The following SH3PXD2A variants were observed in gnomAD, a reference collection of about 807,000 sequenced individuals.
The protein encoded by SH3PXD2A is SH3 and PX domain-containing protein 2A.
In SH3PXD2A, 32 loss-of-function variants were observed where a neutral mutation model predicts 115.2. The observed-to-expected ratio is 0.28, with a 90% CI of 0.21 to 0.37. The LOEUF is 0.37. Ranked by LOEUF, SH3PXD2A falls within the 10% of genes least tolerant of loss-of-function variation. The pLI is 1.00. For synonymous variants in SH3PXD2A, 610 were observed against 629.1 expected (o/e 0.97, Z 0.45); for missense variants, 1,328 against 1,498.7 (o/e 0.89, Z 1.88).
Position 103,602,993 on chromosome 10 carries a change from G to T in SH3PXD2A, c.2225C>A (p.Ala742Glu), listed in dbSNP as rs765874609. ...PKVRAKKDAD[A>E]NAGLTSCPRA... ...GGGACAGGAGGTCAGCCCAGCGTTC[G>T]CATCAGCATCCTTCTTTGCCCTGAC... Residue 742 changes from alanine to glutamate, a missense_variant, in exon 15 of 15, where the codon GCG becomes GAG. Physicochemically the swap from Ala to Glu is moderately radical, Grantham distance 107. Around this residue, in one of 5 missense-constraint regions of SH3PXD2A, gnomAD observed 574 missense variants for 565.7 expected, o/e 1.01. Coordinates refer to ENST00000369774, the MANE Select transcript of SH3PXD2A (RefSeq NM_001394015.1). 1 of 1,614,184 alleles carries T rather than the reference G, an allele frequency of 6.2e-7. No homozygotes were observed. The highest frequency in any genetic ancestry group is 8.5e-7 in the Non-Finnish European group (1 of 1,180,048).
chr10:103,755,162 G>A (rs1564881191), intron 3 of SH3PXD2A: 2 of 152,194 alleles, frequency 1.3e-5, no homozygotes, highest in African/African-American at 4.8e-5. Context: ...CCTGAGAAGA[G>A]ACCTCACTCT....
chr10:103,650,141 C>T (rs939196995), intron 8 of SH3PXD2A, among the ~76,000 whole-genome samples: 1 of 152,170 alleles, frequency 6.6e-6, no homozygotes, highest in East Asian at 1.9e-4. Flanking sequence ...TAGTAACAGG[C>T]GGAAGGGCCC....
At chr10:103,688,082 C>A (rs555032893) in intron 6 of SH3PXD2A, among the ~76,000 whole-genome samples, 1 of 152,224 alleles carries the variant, frequency 6.6e-6, no homozygotes, top group Non-Finnish European at 1.5e-5. Context: ...CGACACCTTG[C>A]GCAGTGCTTG....
At chr10:103,625,373 A>G (rs1419133246) in intron 9 of SH3PXD2A, among the ~76,000 whole-genome samples, 1 of 152,226 alleles carries the variant, frequency 6.6e-6, no homozygotes, top group Non-Finnish European at 1.5e-5. Context: ...TGCTTCACAG[A>G]GAGGTGTGTG....
At chr10:103,841,914 G>C (rs2039602792) in intron 1 of SH3PXD2A, among the ~76,000 whole-genome samples, 1 of 152,132 alleles carries the variant, frequency 6.6e-6, no homozygotes, top group Admixed American at 6.5e-5. Context: ...CACGAGGTCA[G>C]GAGATCAAGA....
chr10:103,605,174 G>T (rs2036281748), intron 14 of SH3PXD2A, among the ~76,000 whole-genome samples: 1 of 152,186 alleles, frequency 6.6e-6, no homozygotes, highest in South Asian at 2.1e-4. Flanking sequence ...AATGCTTAAA[G>T]TTGGGGGTGG....
chr10:103,656,595 C>T (rs532782107), intron 8 of SH3PXD2A, among the ~76,000 whole-genome samples: 8 of 152,178 alleles, frequency 5.3e-5, no homozygotes, highest in South Asian at 2.1e-4. Context: ...TTTGGGAGGC[C>T]GAGGCGGGTG....
chr10:103,763,547 G>C (rs1182705203), intron 3 of SH3PXD2A, among the ~76,000 whole-genome samples: 1 of 152,206 alleles, frequency 6.6e-6, no homozygotes, highest in Non-Finnish European at 1.5e-5. Context: ...CTGCTGCTGG[G>C]GGTGAGCCTG....
In SH3PXD2A at chr10:103,802,555, C is replaced by G. The variant is rs529897873; in HGVS notation, c.73-1193G>C. On this transcript the variant is annotated intron_variant, in intron 1 of 14. Transcript: ENST00000369774. The stretch of plus-strand genomic sequence containing the variant: ...AGTCCACACAATCTGGCCTGCTCTT[C>G]CCACTATTTCTGTCCTTCCTGGGAA... 1.8e-3 allele frequency among the ~76,000 whole-genome samples: 272 copies of G among 152,296 alleles called. 2 individuals are homozygous for G. The highest frequency in any genetic ancestry group is 6.2e-3 in the African/African-American group (256 of 41,556).
At chr10:103,748,325 C>G (rs922149347) in intron 3 of SH3PXD2A, among the ~76,000 whole-genome samples, 5 of 152,204 alleles carry the variant, frequency 3.3e-5, no homozygotes, top group African/African-American at 9.7e-5. Context: ...TTTGGGCAGA[C>G]TGAACATGCC....
chr10:103,691,071 T>C (rs975714510), intron 6 of SH3PXD2A, among the ~76,000 whole-genome samples: 1 of 152,028 alleles, frequency 6.6e-6, no homozygotes, highest in Admixed American at 6.5e-5. Context: ...GCCCCAGAGA[T>C]TGTGGCGGGG....
intron 2 of SH3PXD2A, among the ~76,000 whole-genome samples, chr10:103,797,706 T>C (rs2039105705): frequency 8.3e-6 from 1 of 120,090 alleles, no homozygotes; most frequent in South Asian, 2.5e-4. Context: ...CTTCAGATCT[T>C]AGAATCTGGG....
chr10:103,606,463 C>A (rs1255517161), intron 13 of SH3PXD2A, among the ~76,000 whole-genome samples: 1 of 118,982 alleles, frequency 8.4e-6, no homozygotes, highest in East Asian at 2.5e-4. Context: ...AAAAAAAGCT[C>A]TCCCCCTCCC....
intron 2 of SH3PXD2A, among the ~76,000 whole-genome samples, chr10:103,793,111 A>T (rs2039051279): frequency 6.6e-6 from 1 of 152,176 alleles, no homozygotes; most frequent in South Asian, 2.1e-4. Context: ...ACTATTCAAT[A>T]TTAATGTTGC....
At chr10:103,741,361 TC>T (rs1358986497) in intron 3 of SH3PXD2A, among the ~76,000 whole-genome samples, 1 of 152,162 alleles carries the variant, frequency 6.6e-6, no homozygotes, top group Non-Finnish European at 1.5e-5. Context: ...CCATGCTGCC[TC>T]CCCCATGAAG....
intron 5 of SH3PXD2A, among the ~76,000 whole-genome samples, chr10:103,721,489 C>T (rs767580936): frequency 5.2e-4 from 79 of 152,150 alleles, no homozygotes; most frequent in Non-Finnish European, 9.1e-4. Flanking sequence ...GAAGTGAGGC[C>T]GACGGATTCA....
chr10:103,829,194 G>A (rs1242741532), intron 1 of SH3PXD2A, among the ~76,000 whole-genome samples: 1 of 152,188 alleles, frequency 6.6e-6, no homozygotes, highest in Admixed American at 6.5e-5. Context: ...TGATCTGTAG[G>A]ATACCACACA....
At chr10:103,617,787 T>C (rs2036542098) in intron 10 of SH3PXD2A, among the ~76,000 whole-genome samples, 1 of 152,212 alleles carries the variant, frequency 6.6e-6, no homozygotes, top group Non-Finnish European at 1.5e-5. Flanking sequence ...CTCCTATCCC[T>C]GCCCCCAGCT....
At chr10:103,749,504 G>A (rs919190250) in intron 3 of SH3PXD2A, among the ~76,000 whole-genome samples, 9 of 152,176 alleles carry the variant, frequency 5.9e-5, no homozygotes, top group African/African-American at 1.7e-4. Flanking sequence ...ATCTGCTAGG[G>A]TCTCCAACTC....
Sources: allele counts gnomAD v4.1 joint callset (sites outside exome capture counted in the v4.1 genomes callset), GRCh38; gene constraint gnomAD v4.1.1; regional missense constraint gnomAD v4.1.1; transcripts MANE v1.5; gene names NCBI Gene and HGNC (gene_info 2026-07-23, HGNC 2026-07-21).